Variants in LCOR observed in about 807,000 individuals in gnomAD.
LCOR encodes ligand-dependent corepressor.
A neutral mutation model predicts 64.4 loss-of-function variants in LCOR; 14 were observed. The observed-to-expected ratio is 0.22, with a 90% CI of 0.14 to 0.34. The LOEUF (loss-of-function observed/expected upper bound fraction) is 0.34, where lower values mean the gene tolerates loss of function less well. LCOR is among the 10% of genes least tolerant of loss of function. LCOR has a pLI of 1.00. For synonymous variants in LCOR, 643 were observed against 642.5 expected (o/e 1.00, Z -0.01); for missense variants, 1,686 against 1,765.3 (o/e 0.96, Z 0.80).
intron 2 of LCOR, among the ~76,000 whole-genome samples, chr10:96,900,134 G>T (rs1428725747): frequency 6.6e-6 from 1 of 152,024 alleles, no homozygotes; most frequent in Non-Finnish European, 1.5e-5. Context: ...TCTATCTATA[G>T]ATTTGCCTTT....
intron 2 of LCOR, among the ~76,000 whole-genome samples, chr10:96,877,074 C>T (rs967935999): frequency 6.6e-6 from 1 of 152,052 alleles, no homozygotes; most frequent in Admixed American, 6.6e-5. Flanking sequence ...AAATCTTTTG[C>T]CTATTGTGTA....
At chr10:96,862,656 A>T (rs1428668638) in intron 2 of LCOR, among the ~76,000 whole-genome samples, 1 of 152,138 alleles carries the variant, frequency 6.6e-6, no homozygotes, top group Non-Finnish European at 1.5e-5. Flanking sequence ...GGTGGGTTGC[A>T]AGTCTCAACC....
chr10:96,905,341 A>G (rs1452252971), intron 2 of LCOR, among the ~76,000 whole-genome samples: 1 of 152,186 alleles, frequency 6.6e-6, no homozygotes, highest in East Asian at 1.9e-4. Flanking sequence ...GCTCTTCAGG[A>G]TAAGACCTAC....
chr10:96,835,150 C>T (rs990917359), intron 2 of LCOR, among the ~76,000 whole-genome samples: 4 of 152,192 alleles, frequency 2.6e-5, no homozygotes, highest in African/African-American at 7.2e-5. Context: ...CCGCCCGCCT[C>T]GGCTTCCCAA....
chr10:96,838,516 A>G (rs375660585), intron 2 of LCOR, among the ~76,000 whole-genome samples: 15 of 152,208 alleles, frequency 9.9e-5, no homozygotes, highest in East Asian at 9.6e-4. Context: ...CAGCTACTAT[A>G]ATTTGTTTTC....
chr10:96,920,654 GTATATATGTA>G (rs1847051416), intron 4 of LCOR, among the ~76,000 whole-genome samples: 2 of 128,260 alleles, frequency 1.6e-5, no homozygotes, highest in African/African-American at 3.5e-5. Context: ...GTATATATGT[GTATATATGTA>G]TATATGTATA....
chr10:96,880,188 C>G (rs1414132312), intron 2 of LCOR, among the ~76,000 whole-genome samples: 1 of 152,132 alleles, frequency 6.6e-6, no homozygotes, highest in East Asian at 1.9e-4. Flanking sequence ...GGCAGTGTAG[C>G]TTTTTAGTAC....
At chr10:96,954,981 C>T in intron 7 of LCOR, 1 of 1,614,034 alleles carries the variant, frequency 6.2e-7, no homozygotes, top group Non-Finnish European at 8.5e-7. Context: ...CCAGTACCGC[C>T]CAGACGGACT....
Position 96,983,790 on chromosome 10 carries a change from C to T in LCOR, c.3330C>T (p.Leu1110=), listed in dbSNP as rs373770562. The change falls in exon 8 of 8, where the codon CTC becomes CTT. Residue 1110 remains leucine, a synonymous_variant. Transcript: ENST00000421806. The surrounding 1 kb of genome is among the most constrained non-coding windows in gnomAD (Gnocchi z 4.5). ...GTGCTGAGGAGGAGAACCAAGAGCTCATCGCCAACTTCAATGCCCAGTACA... is the reference window on the plus strand; with the variant it reads ...GTGCTGAGGAGGAGAACCAAGAGCTTATCGCCAACTTCAATGCCCAGTACA... The part of the protein sequence containing the change: ...EWCAEEENQE[L]IANFNAQYMK... The T allele has an allele frequency of 1.1e-4, 178 of 1,614,008 alleles. No homozygotes were observed. The highest frequency in any genetic ancestry group is 1.4e-4 in the Non-Finnish European group (170 of 1,180,030).
intron 2 of LCOR, among the ~76,000 whole-genome samples, chr10:96,878,028 A>T (rs1846199680): frequency 6.6e-6 from 1 of 152,154 alleles, no homozygotes; most frequent in African/African-American, 2.4e-5. Context: ...AGTTAAGAAG[A>T]ATGAGAGAGA....
At chr10:96,957,661 C>G (rs1323521483) in intron 7 of LCOR, 1 of 985,188 alleles carries the variant, frequency 1.0e-6, no homozygotes, top group Non-Finnish European at 1.2e-6. Context: ...CAGATATTTC[C>G]AAGGCATAAA....
intron 4 of LCOR, among the ~76,000 whole-genome samples, chr10:96,935,928 C>G (rs918307976): frequency 1.3e-5 from 2 of 152,238 alleles, no homozygotes; most frequent in African/African-American, 2.4e-5. Context: ...TGATGAAGAT[C>G]TGTGTGAATA....
intron 2 of LCOR, among the ~76,000 whole-genome samples, chr10:96,902,365 T>A (rs1419431040): frequency 1.3e-5 from 2 of 152,194 alleles, no homozygotes; most frequent in Non-Finnish European, 2.9e-5. Flanking sequence ...GTGCATCATC[T>A]GGGAGAATGT....
At chr10:96,923,866 A>G (rs1847122863) in intron 4 of LCOR, among the ~76,000 whole-genome samples, 1 of 152,146 alleles carries the variant, frequency 6.6e-6, no homozygotes, top group African/African-American at 2.4e-5. Flanking sequence ...TTTTTATAAT[A>G]CCCACAAGCT....
At position 96,993,703 on chromosome 10, in the gene LCOR, A is replaced by G. The variant is rs1848219924; in HGVS notation, c.*8569A>G. ...CCTTTGATCTGTAATGTTACATCAA[A>G]TCTGAGCTTTAACTGCCCCCTCTTC... On this transcript the variant is annotated 3_prime_UTR_variant, in exon 8 of 8. Transcript: ENST00000421806. The G allele has an allele frequency of 6.6e-6, 1 of 150,694 alleles. No homozygotes were observed. Among genetic ancestry groups the G allele is most frequent in the African/African-American group, 2.4e-5 (1 of 41,160 alleles). 9.3% of individuals were successfully genotyped at this position (150,694 alleles called of 1,614,324 possible).
At chr10:96,919,320 C>T (rs560990640) in intron 4 of LCOR, among the ~76,000 whole-genome samples, 1 of 152,160 alleles carries the variant, frequency 6.6e-6, no homozygotes, top group East Asian at 1.9e-4. Context: ...GTGTAGGTCT[C>T]ACTTTTTTCT....
chr10:96,919,809 A>G (rs1209375799), intron 4 of LCOR, among the ~76,000 whole-genome samples: 2 of 152,124 alleles, frequency 1.3e-5, no homozygotes, highest in African/African-American at 4.8e-5. Flanking sequence ...GTTTTTCTAT[A>G]TTGTTGTATG....
rs1491204310 is a variant in LCOR at position 96,989,696 on chromosome 10, T to TATATATATATATATATATATA, written c.*4562_*4563insATATATATATATATATATATA. On this transcript the variant is annotated 3_prime_UTR_variant, in exon 8 of 8. Coordinates refer to ENST00000421806, the MANE Select transcript of LCOR (RefSeq NM_001346516.2). ...AAGGATATATATATATATATATATATTTTTTTTTTTTTTTTTTTTTTTTAA... is the reference window on the plus strand; with the variant it reads ...AAGGATATATATATATATATATATATATATATATATATATATATATATTTTTTTTTTTTTTTTTTTTTTTAA... 3 of 64,614 alleles carry TATATATATATATATATATATA rather than the reference T, an allele frequency of 4.6e-5. No homozygotes were observed. Among genetic ancestry groups the TATATATATATATATATATATA allele is most frequent in the African/African-American group, 3.3e-4 (3 of 9,048 alleles). The allele number at this position is 64,614 out of a possible 1,614,324, so 4.0% of individuals were successfully genotyped here. A position where few individuals can be genotyped will look rare whatever the true frequency, so the allele number is the denominator to read the frequency against.
At chr10:96,961,716 G>T (rs1847883367) in intron 7 of LCOR, 1 of 151,792 alleles carries the variant, frequency 6.6e-6, no homozygotes, top group Non-Finnish European at 1.5e-5. Flanking sequence ...GGGGGTTGGG[G>T]GTAGTTGGAC....
Sources: allele counts gnomAD v4.1 joint callset (sites outside exome capture counted in the v4.1 genomes callset), GRCh38; gene constraint gnomAD v4.1.1; non-coding constraint Gnocchi (gnomAD v3.1); transcripts MANE v1.5; gene names NCBI Gene and HGNC (gene_info 2026-07-23, HGNC 2026-07-21).